ARHGEF3: variants seen among roughly 807,000 people sequenced by gnomAD.
ARHGEF3 encodes the protein 59.8 kDA protein.
Under a neutral mutation model 63.2 loss-of-function variants are expected in ARHGEF3, and 28 were observed. The ratio of observed to expected loss-of-function variants is 0.44; its 90% CI spans 0.33 to 0.61. ARHGEF3 has a LOEUF of 0.61. ARHGEF3 is among the 20% of genes least tolerant of loss of function. The pLI is 0.03. For synonymous variants in ARHGEF3, 266 were observed against 254.2 expected (o/e 1.05, Z -0.44); for missense variants, 533 against 659.3 (o/e 0.81, Z 2.10).
chr3:57,073,598 G>A, intron 1 of ARHGEF3: 1 of 1,472,684 alleles, frequency 6.8e-7, no homozygotes, highest in Non-Finnish European at 9.0e-7. Context: ...TGCACTCAGA[G>A]CCAGGTTGCA....
intron 1 of ARHGEF3, among the ~76,000 whole-genome samples, chr3:56,779,309 C>A (rs1368900178): frequency 2.6e-5 from 4 of 151,982 alleles, no homozygotes; most frequent in African/African-American, 7.3e-5. Context: ...GGATCTACTT[C>A]AAAATAATGA....
chr3:56,946,698 A>G (rs900890319), intron 3 of ARHGEF3, among the ~76,000 whole-genome samples: 1 of 152,206 alleles, frequency 6.6e-6, no homozygotes, highest in African/African-American at 2.4e-5. Flanking sequence ...GTTGAAAAAC[A>G]CTCTGCAGGA....
At chr3:56,927,255 T>G (rs1419974382) in intron 3 of ARHGEF3, among the ~76,000 whole-genome samples, 1 of 152,234 alleles carries the variant, frequency 6.6e-6, no homozygotes, top group African/African-American at 2.4e-5. Flanking sequence ...GCATAGTGCC[T>G]GGCACATAGT....
chr3:56,776,921 T>TA (rs1559930694), intron 1 of ARHGEF3, among the ~76,000 whole-genome samples: 2 of 151,844 alleles, frequency 1.3e-5, no homozygotes, highest in Admixed American at 1.3e-4. Flanking sequence ...CACTAAAGTT[T>TA]AAAAAAAAGA....
intron 3 of ARHGEF3, among the ~76,000 whole-genome samples, chr3:56,905,750 T>G (rs1482938994): frequency 6.6e-6 from 1 of 152,246 alleles, no homozygotes. Context: ...TCTGCCAACA[T>G]GGTAGGTGAG....
At chr3:56,978,086 C>A (rs1701191727) in intron 2 of ARHGEF3, among the ~76,000 whole-genome samples, 1 of 152,198 alleles carries the variant, frequency 6.6e-6, no homozygotes, top group Non-Finnish European at 1.5e-5. Context: ...AGTGGGGACC[C>A]CAGGTGCGGT....
At chr3:56,783,871 A>C (rs1316789402) in intron 1 of ARHGEF3, among the ~76,000 whole-genome samples, 1 of 152,210 alleles carries the variant, frequency 6.6e-6, no homozygotes, top group East Asian at 1.9e-4. Flanking sequence ...AAATTGGCCC[A>C]AGATTAAACA....
chr3:57,043,456 A>G (rs933524473), intron 1 of ARHGEF3, among the ~76,000 whole-genome samples: 4 of 150,488 alleles, frequency 2.7e-5, no homozygotes, highest in African/African-American at 9.8e-5. Flanking sequence ...AAAAATGTTT[A>G]TATATGTTAG....
At chr3:57,007,688 G>T (rs1702521152) in intron 2 of ARHGEF3, among the ~76,000 whole-genome samples, 1 of 152,186 alleles carries the variant, frequency 6.6e-6, no homozygotes, top group African/African-American at 2.4e-5. Context: ...CCCTCCAGGG[G>T]CCTGACAACT....
chr3:57,025,617 C>T lies in ARHGEF3; in HGVS notation c.62+9471G>A, dbSNP rs547547502. The stretch of plus-strand genomic sequence containing the variant: ...CATTTGCCCTAACCCTTACCCTAAC[C>T]CTGTCCTAAAGCCAGACGTGAACCT... On this transcript the variant is annotated intron_variant, in intron 2 of 12. Transcript: ENST00000338458. 2.0e-5 allele frequency among the ~76,000 whole-genome samples: 3 copies of T among 152,300 alleles called. No homozygotes were observed. The South Asian group carries it at 6.2e-4, about 32-fold the overall frequency.
At chr3:56,990,828 C>T (rs567170452) in intron 2 of ARHGEF3, among the ~76,000 whole-genome samples, 81 of 152,292 alleles carry the variant, frequency 5.3e-4, no homozygotes, top group African/African-American at 1.9e-3. Flanking sequence ...AACATCTCCA[C>T]AACCCCAGCT....
Position 56,780,055 on chromosome 3 carries a change from G to A in ARHGEF3, c.97-6239C>T, listed in dbSNP as rs562939684. ...CCCATTTTATAAGTGAGCAAGCCAA[G>A]GTTTAAGGAGCACAAATACACAAGA... is the stretch of plus-strand genomic sequence containing the variant. On this transcript the variant is annotated intron_variant, in intron 1 of 9. Coordinates refer to ENST00000296315, the MANE Select transcript of ARHGEF3 (RefSeq NM_019555.3). Among the ~76,000 whole-genome samples, 7 of 152,286 alleles carry A rather than the reference G, an allele frequency of 4.6e-5. No individual in the cohort carries two copies. The East Asian group carries it at 9.6e-4, about 21-fold the overall frequency.
chr3:56,849,861 C>T lies in ARHGEF3; in HGVS notation c.192+32431G>A, dbSNP rs190861179. 1.9e-3 allele frequency among the ~76,000 whole-genome samples: 289 copies of T among 152,280 alleles called. 2 individuals carry two copies. The highest frequency in any genetic ancestry group is 6.8e-3 in the African/African-American group (281 of 41,558). ...GCCTGCATTCATCTTCCCTTGTTTT[C>T]CCGCTCCGAGGGCCACTTTATACTC... On this transcript the variant is annotated intron_variant, in intron 4 of 12. Transcript: ENST00000338458.
intron 4 of ARHGEF3, among the ~76,000 whole-genome samples, chr3:56,854,120 G>A (rs955813769): frequency 9.2e-5 from 14 of 152,232 alleles, no homozygotes; most frequent in African/African-American, 3.4e-4. Context: ...GTGTGAACCC[G>A]AGAGGCAGAG....
At chr3:57,014,130 T>A (rs1702848016) in intron 2 of ARHGEF3, among the ~76,000 whole-genome samples, 1 of 151,704 alleles carries the variant, frequency 6.6e-6, no homozygotes, top group Non-Finnish European at 1.5e-5. Flanking sequence ...CCTTAAGAGC[T>A]GTAACACTCA....
intron 2 of ARHGEF3, among the ~76,000 whole-genome samples, chr3:56,959,719 T>C (rs1464987778): frequency 6.6e-6 from 1 of 152,176 alleles, no homozygotes; most frequent in Non-Finnish European, 1.5e-5. Flanking sequence ...GGCTCACGTC[T>C]GTAATCCCAG....
chr3:57,013,143 C>G (rs1337089350), intron 2 of ARHGEF3, among the ~76,000 whole-genome samples: 1 of 152,210 alleles, frequency 6.6e-6, no homozygotes, highest in Non-Finnish European at 1.5e-5. Flanking sequence ...CATGCCTGAG[C>G]CCCCCGCCCT....
At chr3:56,869,125 T>A (rs1172510130) in intron 4 of ARHGEF3, among the ~76,000 whole-genome samples, 2 of 152,034 alleles carry the variant, frequency 1.3e-5, no homozygotes, top group Non-Finnish European at 2.9e-5. Context: ...AGGATTCCTG[T>A]TTTGGAAATT....
At chr3:56,903,830 G>A (rs1006284056) in intron 3 of ARHGEF3, among the ~76,000 whole-genome samples, 1 of 152,104 alleles carries the variant, frequency 6.6e-6, no homozygotes, top group Admixed American at 6.5e-5. Flanking sequence ...TTTTGTTTAT[G>A]TTGGTTGTAT....
Sources: allele counts gnomAD v4.1 joint callset (sites outside exome capture counted in the v4.1 genomes callset), GRCh38; gene constraint gnomAD v4.1.1; transcripts MANE v1.5; gene names NCBI Gene and HGNC (gene_info 2026-07-23, HGNC 2026-07-21).